Variants in DOCK2 observed in about 807,000 individuals in gnomAD.
DOCK2 encodes the protein dedicator of cytokinesis protein 2.
In DOCK2, 87 loss-of-function variants were observed where a neutral mutation model predicts 248.9. The ratio of observed to expected loss-of-function variants is 0.35; its 90% CI spans 0.29 to 0.42. The LOEUF (loss-of-function observed/expected upper bound fraction) is 0.42, where lower values mean the gene tolerates loss of function less well. Among genes scored for constraint, DOCK2 ranks in the 10% least tolerant of loss-of-function variants. DOCK2 has a pLI of 1.00. For synonymous variants in DOCK2, 805 were observed against 821.6 expected (o/e 0.98, Z 0.35); for missense variants, 1,747 against 2,300.2 (o/e 0.76, Z 4.92).
chr5:170,039,861 C>T (rs946277410), intron 36 of DOCK2, among the ~76,000 whole-genome samples: 1 of 152,202 alleles, frequency 6.6e-6, no homozygotes, highest in Non-Finnish European at 1.5e-5. Flanking sequence ...TCTCCTCTCA[C>T]ATGAAGAAAT....
intron 23 of DOCK2, among the ~76,000 whole-genome samples, chr5:169,749,577 A>G (rs1763795156): frequency 6.6e-6 from 1 of 152,162 alleles, no homozygotes; most frequent in Admixed American, 6.5e-5. Flanking sequence ...TGATGAGGGA[A>G]TTGAAGCTCA....
chr5:169,801,169 T>G (rs796733646), intron 25 of DOCK2, among the ~76,000 whole-genome samples: 3 of 112,788 alleles, frequency 2.7e-5, no homozygotes, highest in South Asian at 2.9e-4. Flanking sequence ...TTTTTTTTTT[T>G]TTTTTTTTTT....
Position 169,738,022 on chromosome 5 carries a change from A to G in DOCK2, c.2268-9374A>G, listed in dbSNP as rs144222406. 5.3e-3 allele frequency among the ~76,000 whole-genome samples: 809 copies of G among 152,230 alleles called. 8 individuals carry two copies. The highest frequency in any genetic ancestry group is 0.018 in the African/African-American group (761 of 41,550). On this transcript the variant is annotated intron_variant, in intron 22 of 51. Coordinates refer to ENST00000520908, the MANE Select transcript of DOCK2 (RefSeq NM_004946.3). ...GTCCTGGGGACTGAGCCCTCACCCA[A>G]TAGGATCTGACTCTCTCCAGGTAGA...
At chr5:169,723,126 A>C (rs1027047084) in intron 22 of DOCK2, among the ~76,000 whole-genome samples, 3 of 152,086 alleles carry the variant, frequency 2.0e-5, no homozygotes, top group Non-Finnish European at 4.4e-5. Context: ...CTCTTATTAC[A>C]GACCTGCTTA....
At chr5:169,652,741 AAG>A (rs923482250) in intron 1 of DOCK2, among the ~76,000 whole-genome samples, 1 of 152,014 alleles carries the variant, frequency 6.6e-6, no homozygotes, top group Non-Finnish European at 1.5e-5. Flanking sequence ...GGAAGGAGGG[AAG>A]AGAGAGGGAA....
At chr5:170,008,424 T>G (rs1755149229) in intron 30 of DOCK2, 73 bp from the exon 31 acceptor site, 18 of 1,485,188 alleles carry the variant, frequency 1.2e-5, no homozygotes, top group Non-Finnish European at 1.7e-5. Flanking sequence ...CATAAATTAT[T>G]CACACTACCC....
At chr5:169,798,546 G>A (rs1269470358) in intron 25 of DOCK2, among the ~76,000 whole-genome samples, 1 of 152,172 alleles carries the variant, frequency 6.6e-6, no homozygotes, top group South Asian at 2.1e-4. Flanking sequence ...CTAACAGAAT[G>A]ACCTTTTAAG....
At chr5:169,787,076 T>A (rs1245457478) in intron 25 of DOCK2, among the ~76,000 whole-genome samples, 1 of 152,182 alleles carries the variant, frequency 6.6e-6, no homozygotes, top group African/African-American at 2.4e-5. Context: ...TATTTCCACT[T>A]TACAGATACA....
In DOCK2 at chr5:170,042,053, G is replaced by A. The variant is rs746232123; in HGVS notation, c.3797G>A (p.Gly1266Asp). The change falls in exon 38 of 52, where the codon GGC becomes GAC. Residue 1266 changes from glycine (G) to aspartate (D), a missense_variant. Around this residue, in one of 4 missense-constraint regions of DOCK2, gnomAD observed 858 missense variants for 1,183.5 expected, o/e 0.72. Transcript: ENST00000520908. The part of the protein sequence containing the change: ...EQCASQVMQT[G>D]QQHPQTHRQL... ...TGTGCATCACAGGTCATGCAGACAG[G>A]CCAGCAGCACCCCCAGACACACCGG... 1.9e-6 allele frequency: 3 copies of A among 1,613,726 alleles called. No homozygotes were observed. In the East Asian group the frequency reaches 6.7e-5, roughly 36 times the overall value.
At chr5:169,725,841 CT>C (rs1307767671) in intron 22 of DOCK2, among the ~76,000 whole-genome samples, 1 of 152,082 alleles carries the variant, frequency 6.6e-6, no homozygotes, top group Admixed American at 6.5e-5. Context: ...TGAACTCATC[CT>C]TTTTTATGGC....
chr5:169,753,087 A>G (rs1366706029), intron 23 of DOCK2, among the ~76,000 whole-genome samples: 1 of 151,912 alleles, frequency 6.6e-6, no homozygotes, highest in Non-Finnish European at 1.5e-5. Context: ...TACTTCTATC[A>G]TTTTGTTTAG....
intron 6 of DOCK2, among the ~76,000 whole-genome samples, chr5:169,681,417 C>T (rs1267536282): frequency 6.6e-6 from 1 of 151,242 alleles, no homozygotes; most frequent in Non-Finnish European, 1.5e-5. Flanking sequence ...AGTCACCGTA[C>T]CCAGCTAACA....
intron 38 of DOCK2, among the ~76,000 whole-genome samples, chr5:170,042,823 TA>T (rs750841980): frequency 6.6e-6 from 1 of 152,226 alleles, no homozygotes; most frequent in Non-Finnish European, 1.5e-5. Context: ...TTTACTTGTT[TA>T]TTTTCTGGCT....
intron 23 of DOCK2, among the ~76,000 whole-genome samples, chr5:169,754,137 AAG>A (rs892291923): frequency 2.0e-4 from 31 of 152,206 alleles, no homozygotes; most frequent in African/African-American, 7.5e-4. Context: ...GAGAGAGAGA[AAG>A]AGTGAAAGAG....
intron 46 of DOCK2, chr5:170,075,353 CATCTTCCTAA>C (rs1757801104): frequency 6.6e-6 from 1 of 152,576 alleles, no homozygotes; most frequent in Non-Finnish European, 1.5e-5. Context: ...CTTCTTCCCT[CATCTTCCTAA>C]GGCTTTTATT....
intron 45 of DOCK2, 133 bp from the exon 46 acceptor site, chr5:170,069,004 A>T (rs1400313019): frequency 2.8e-6 from 2 of 714,930 alleles, no homozygotes; most frequent in Admixed American, 4.7e-5. Flanking sequence ...CAGACCTGTT[A>T]CTCTTGTTCC....
chr5:169,744,235 C>G (rs1022002105), intron 22 of DOCK2, among the ~76,000 whole-genome samples: 29 of 152,200 alleles, frequency 1.9e-4, no homozygotes, highest in Non-Finnish European at 2.9e-4. Flanking sequence ...TAGAGCAGAT[C>G]ACTGCTCTCT....
chr5:170,045,092 A>C (rs1445323836), intron 38 of DOCK2, among the ~76,000 whole-genome samples: 2 of 152,100 alleles, frequency 1.3e-5, no homozygotes, highest in Non-Finnish European at 1.5e-5. Flanking sequence ...TTAAAAAAAA[A>C]GTCTTAATTT....
In DOCK2 at chr5:169,801,146, G is replaced by GTTTT. The variant is rs60574755; in HGVS notation, c.2555-1880_2555-1877dup. Among the ~76,000 whole-genome samples, 32 of 76,064 alleles carry GTTTT rather than the reference G, an allele frequency of 4.2e-4. 1 individual carries two copies. The highest frequency in any genetic ancestry group is 6.6e-4 in the Admixed American group (3 of 4,576). The allele number at this position is 76,064 out of a possible 152,430, so 49.9% of individuals were successfully genotyped here. A position where few individuals can be genotyped will look rare whatever the true frequency, so the allele number is the denominator to read the frequency against. ...TGCCACCATGCCCAGATAGTTTTGGGTTTTTTTTTTTTTTTTTTTTTTTTT... is the reference window on the plus strand; with the variant it reads ...TGCCACCATGCCCAGATAGTTTTGGGTTTTTTTTTTTTTTTTTTTTTTTTTTTTT... On this transcript the variant is annotated intron_variant, in intron 25 of 51. Transcript: ENST00000520908.
Sources: gnomAD v4.1 joint callset for allele counts (sites outside exome capture counted in the v4.1 genomes callset) on GRCh38, gnomAD v4.1.1 for gene constraint, gnomAD v4.1.1 regional missense constraint, MANE v1.5 for transcripts, NCBI Gene and HGNC (gene_info 2026-07-23, HGNC 2026-07-21) for gene names.